CHD6: variants seen among roughly 807,000 people sequenced by gnomAD.
The protein encoded by CHD6 is ATP-dependent chromatin remodeler CHD6.
CHD6 carries 50 observed loss-of-function variants against 276.9 expected under a neutral mutation model. That is an observed-to-expected ratio of 0.18 (90% CI 0.14 to 0.23). The LOEUF (loss-of-function observed/expected upper bound fraction) is 0.23. Among genes scored for constraint, CHD6 ranks in the 10% least tolerant of loss-of-function variants. The pLI is 1.00. For synonymous variants in CHD6, 1,173 were observed against 1,229.3 expected, an observed-to-expected ratio of 0.95 and a Z score of 0.96; for missense variants, 2,564 against 3,365.8, an observed-to-expected ratio of 0.76 and a Z score of 5.89.
chr20:41,413,890 C>T (rs6029668), intron 34 of CHD6: 39,560 of 164,578 alleles, frequency 0.24, 4,946 homozygotes, highest in East Asian at 0.38. Flanking sequence ...ATAAAGAAAA[C>T]GCCATACCAC....
At chr20:41,517,462 C>T (rs2044279957) in intron 3 of CHD6, among the ~76,000 whole-genome samples, 1 of 152,084 alleles carries the variant, frequency 6.6e-6, no homozygotes, top group African/African-American at 2.4e-5. Context: ...TATTTTGATC[C>T]AACCTAAAGA....
chr20:41,574,083 C>T (rs1203901932), intron 1 of CHD6, among the ~76,000 whole-genome samples: 1 of 123,258 alleles, frequency 8.1e-6, no homozygotes, highest in Non-Finnish European at 1.6e-5. Context: ...CTCAGGCAAG[C>T]AAATGTTATT....
chr20:41,464,603 A>G (rs74544371), intron 17 of CHD6, among the ~76,000 whole-genome samples: 2,876 of 152,332 alleles, frequency 0.019, 100 homozygotes, highest in African/African-American at 0.066. Context: ...AAAATTCACT[A>G]TGGATGAATA....
Position 41,402,177 on chromosome 20 carries a change from T to C in CHD6, c.*2416A>G, listed in dbSNP as rs538494789. The stretch of plus-strand genomic sequence containing the variant: ...GGTGAAGAATGGTCAAGGAAAGTTA[T>C]GGCCGTGAGTGACATGGAATTAGAT... On this transcript the variant is annotated 3_prime_UTR_variant, in exon 37 of 37. Transcript: ENST00000373233. 3 of 211,852 alleles carry C rather than the reference T, an allele frequency of 1.4e-5. No individual in the cohort carries two copies. Among genetic ancestry groups the C allele is most frequent in the East Asian group, 1.4e-4 (2 of 14,024 alleles). The allele number at this position is 211,852 out of a possible 1,614,324, so 13.1% of individuals were successfully genotyped here.
chr20:41,616,865 T>G (rs1385543570), intron 1 of CHD6, among the ~76,000 whole-genome samples: 1 of 152,114 alleles, frequency 6.6e-6, no homozygotes, highest in Non-Finnish European at 1.5e-5. Context: ...TGGCTGACAG[T>G]CAAACTCGAC....
rs2047004437 is a variant in CHD6, at chr20:41,416,608, A to G, written c.6466T>C (p.Leu2156=). The change falls in exon 33 of 37, where the codon TTG becomes CTG. Residue 2156 remains leucine (L), a synonymous_variant. Coordinates refer to ENST00000373233, the MANE Select transcript of CHD6 (RefSeq NM_032221.5). ...CTCACCTTGTGGATCTGGGCCGCCA[A>G]TGCTGCGCCGTTGCTGAAGCTGTGT... ...AEHSFSNGAA[L]AAQIHKESFL... 3.7e-6 allele frequency: 6 copies of G among 1,612,908 alleles called. No homozygotes were observed. Among genetic ancestry groups the G allele is most frequent in the African/African-American group, 2.7e-5 (2 of 75,018 alleles).
At chr20:41,491,663 G>A (rs771360414) in intron 11 of CHD6, 35 bp downstream of exon 11, 4 of 1,612,750 alleles carry the variant, frequency 2.5e-6, no homozygotes, top group Non-Finnish European at 3.4e-6. Flanking sequence ...ATATACCTCT[G>A]GGTACAAACA....
At chr20:41,432,293 C>A (rs2047570484) in intron 27 of CHD6, among the ~76,000 whole-genome samples, 1 of 151,902 alleles carries the variant, frequency 6.6e-6, no homozygotes, top group African/African-American at 2.4e-5. Flanking sequence ...CCCAACAATG[C>A]AGAAGAAACT....
At chr20:41,458,913 A>G (rs1368772922) in intron 17 of CHD6, among the ~76,000 whole-genome samples, 1 of 152,122 alleles carries the variant, frequency 6.6e-6, no homozygotes, top group Non-Finnish European at 1.5e-5. Flanking sequence ...CTTGGCCCAG[A>G]GCAGTAAGAC....
chr20:41,536,375 A>C (rs2044830284), intron 2 of CHD6, among the ~76,000 whole-genome samples: 1 of 152,246 alleles, frequency 6.6e-6, no homozygotes, highest in African/African-American at 2.4e-5. Flanking sequence ...ATTCAAAATT[A>C]TCAATCCACA....
rs762728208 is a variant in CHD6, at chr20:41,565,097, AT to A, written c.-23-13738del. On this transcript the variant is annotated intron_variant, in intron 1 of 36. Coordinates refer to ENST00000373233, the MANE Select transcript of CHD6 (RefSeq NM_032221.5). Reference sequence around the variant, plus strand: ...GAGTCCAAGAAAATGAAGATAATGGATTTTTTTTTTTTTTTTGAGATAGAGA... The same window carrying A: ...GAGTCCAAGAAAATGAAGATAATGGATTTTTTTTTTTTTTTGAGATAGAGA... 6.2e-3 allele frequency among the ~76,000 whole-genome samples: 878 copies of A among 141,118 alleles called. 1 individual carries two copies. The highest frequency in any genetic ancestry group is 7.4e-3 in the Middle Eastern group (2 of 270). 92.6% of individuals were successfully genotyped at this position (141,118 alleles called of 152,430 possible).
At chr20:41,544,845 T>G (rs1568692216) in intron 2 of CHD6, among the ~76,000 whole-genome samples, 1 of 151,884 alleles carries the variant, frequency 6.6e-6, no homozygotes, top group Non-Finnish European at 1.5e-5. Context: ...AATATTTTAG[T>G]TAAAATTGTG....
intron 3 of CHD6, among the ~76,000 whole-genome samples, chr20:41,520,823 T>C (rs886522191): frequency 6.6e-6 from 1 of 151,820 alleles, no homozygotes; most frequent in African/African-American, 2.4e-5. Flanking sequence ...AGTATAATAA[T>C]AATTAAAAAA....
intron 2 of CHD6, chr20:41,547,508 TCCCAGGATAAGAC>T (rs1219603153): frequency 4.9e-6 from 2 of 407,836 alleles, no homozygotes; most frequent in Non-Finnish European, 9.6e-6. Context: ...CTGCACTGGC[TCCCAGGATAAGAC>T]CCCTGGGTCT....
rs370727504 is a variant in CHD6, at chr20:41,533,068, G to A, written c.536C>T (p.Thr179Met). ...AACGTACCTGGCCTTCCTGGACTTC[G>A]TCCTGGCTGCAGAGTCAGTGCAGCT... ...KRSCTDSAAR[T>M]KSRKASKEQG... The change falls in exon 3 of 37, where the codon ACG becomes ATG. Residue 179 changes from threonine (T) to methionine (M), a missense_variant. Transcript: ENST00000373233. 1.1e-5 allele frequency: 17 copies of A among 1,598,420 alleles called. No individual in the cohort carries two copies. The African/African-American group carries it at 1.6e-4, about 15-fold the overall frequency.
chr20:41,459,816 T>C (rs2048488782), intron 17 of CHD6, among the ~76,000 whole-genome samples: 1 of 152,182 alleles, frequency 6.6e-6, no homozygotes, highest in Non-Finnish European at 1.5e-5. Flanking sequence ...TTGGTACCAG[T>C]AAAGCAGGGC....
chr20:41,513,047 C>G (rs1019432068), intron 4 of CHD6, 52 bp from the exon 5 acceptor site: 7 of 1,601,200 alleles, frequency 4.4e-6, no homozygotes, highest in Admixed American at 3.3e-5. Flanking sequence ...AAGACAACAG[C>G]CTACACAAGA....
chr20:41,590,813 G>C (rs565574997), intron 1 of CHD6, among the ~76,000 whole-genome samples: 3 of 151,714 alleles, frequency 2.0e-5, no homozygotes, highest in African/African-American at 7.3e-5. Flanking sequence ...GATTCCTCAG[G>C]GATCTAGAAC....
chr20:41,486,459 C>A (rs1387166947), intron 14 of CHD6, among the ~76,000 whole-genome samples: 1 of 152,106 alleles, frequency 6.6e-6, no homozygotes, highest in Non-Finnish European at 1.5e-5. Flanking sequence ...ATAGATAGGG[C>A]AAATGTAGGA....
Sources: allele counts gnomAD v4.1 joint callset (sites outside exome capture counted in the v4.1 genomes callset), GRCh38; gene constraint gnomAD v4.1.1; transcripts MANE v1.5; gene names NCBI Gene and HGNC (gene_info 2026-07-23, HGNC 2026-07-21).